SEMA3A: variants seen among roughly 807,000 people sequenced by gnomAD.
SEMA3A encodes semaphorin 3A.
In SEMA3A, 29 loss-of-function variants were observed where a neutral mutation model predicts 97.9. The observed-to-expected ratio is 0.30, with a 90% confidence interval of 0.22 to 0.40. SEMA3A has a LOEUF of 0.40. SEMA3A is among the 10% of genes least tolerant of loss of function. The pLI is 1.00. For missense variants in SEMA3A, 763 were observed against 951.3 expected (o/e 0.80, Z 2.60); for synonymous variants, 321 against 323.7 (o/e 0.99, Z 0.09).
At chr7:84,235,083 A>G (rs1020795441) in intron 3 of SEMA3A, among the ~76,000 whole-genome samples, 1 of 152,138 alleles carries the variant, frequency 6.6e-6, no homozygotes, top group African/African-American at 2.4e-5. Flanking sequence ...AAAATGATTT[A>G]AAAATAAATT....
intron 4 of SEMA3A, among the ~76,000 whole-genome samples, chr7:84,088,454 C>CA (rs146017382): frequency 6.6e-4 from 89 of 134,820 alleles, no homozygotes; most frequent in South Asian, 1.6e-3. Flanking sequence ...ACTCCGTTTC[C>CA]AAAAAAAAAA....
chr7:84,431,401 T>C (rs1804977136), intron 1 of SEMA3A, among the ~76,000 whole-genome samples: 2 of 152,026 alleles, frequency 1.3e-5, no homozygotes, highest in South Asian at 4.1e-4. Flanking sequence ...CATGAGTCTA[T>C]TAGCCTTTTA....
At chr7:84,330,686 TG>T (rs2115946918) in intron 2 of SEMA3A, among the ~76,000 whole-genome samples, 1 of 152,274 alleles carries the variant, frequency 6.6e-6, no homozygotes, top group Admixed American at 6.5e-5. Flanking sequence ...ATATGGTAGT[TG>T]TTTTTTATTT....
Position 84,440,896 on chromosome 7 carries a change from C to T in SEMA3A, c.-246+51564G>A, listed in dbSNP as rs1478120686. On this transcript the variant is annotated intron_variant, in intron 1 of 3. Transcript: ENST00000424555. ...TAAATAGGCCAGGTGTGGTGGCTCA[C>T]GCCTGTAATCTCAGCACTTTGGGAG... 7.9e-5 allele frequency among the ~76,000 whole-genome samples: 12 copies of T among 152,284 alleles called. 1 individual carries two copies. The highest frequency in any genetic ancestry group is 4.1e-4 in the South Asian group (2 of 4,830).
chr7:84,374,055 C>T (rs1212089778), intron 1 of SEMA3A, among the ~76,000 whole-genome samples: 4 of 152,140 alleles, frequency 2.6e-5, no homozygotes, highest in Admixed American at 6.5e-5. Flanking sequence ...CATGAGATCA[C>T]GGGAGAGGAA....
At chr7:84,037,324 TTTG>T (rs970515144) in intron 6 of SEMA3A, among the ~76,000 whole-genome samples, 3 of 151,964 alleles carry the variant, frequency 2.0e-5, no homozygotes, top group African/African-American at 7.2e-5. Context: ...CTTTTGTTTA[TTTG>T]TTGTTGTTGT....
At chr7:84,183,997 C>T (rs1797804988) in intron 1 of SEMA3A, among the ~76,000 whole-genome samples, 2 of 152,096 alleles carry the variant, frequency 1.3e-5, no homozygotes, top group Admixed American at 6.6e-5. Flanking sequence ...AACAGATTCT[C>T]TCAGTATCAA....
intron 5 of SEMA3A, among the ~76,000 whole-genome samples, chr7:84,052,314 C>G (rs898598037): frequency 3.6e-4 from 54 of 152,102 alleles, no homozygotes; most frequent in Non-Finnish European, 6.6e-4. Flanking sequence ...ACCTCTGGTA[C>G]AATTCGGCTG....
chr7:84,104,942 A>C (rs78582118), intron 4 of SEMA3A, among the ~76,000 whole-genome samples: 1,856 of 152,296 alleles, frequency 0.012, 17 homozygotes, highest in Middle Eastern at 0.027. Flanking sequence ...AAAGATTAGG[A>C]AAGAAAAACC....
chr7:84,390,732 C>T (rs1328701276), intron 1 of SEMA3A, among the ~76,000 whole-genome samples: 1 of 151,996 alleles, frequency 6.6e-6, no homozygotes, highest in African/African-American at 2.4e-5. Flanking sequence ...CTATTCTTGC[C>T]TTCCAGAGAC....
At chr7:84,011,556 T>C (rs560984093) in intron 7 of SEMA3A, among the ~76,000 whole-genome samples, 111 of 152,272 alleles carry the variant, frequency 7.3e-4, no homozygotes, top group African/African-American at 2.6e-3. Flanking sequence ...GGATTACTTA[T>C]AAAGTCAATT....
intron 1 of SEMA3A, among the ~76,000 whole-genome samples, chr7:84,481,624 G>GT (rs1385647440): frequency 6.6e-6 from 1 of 151,928 alleles, no homozygotes; most frequent in African/African-American, 2.4e-5. Flanking sequence ...GGTTTCTTAT[G>GT]TTTTTTCTTA....
chr7:84,042,522 C>T lies in SEMA3A; in HGVS notation c.667+3802G>A, dbSNP rs113066765. Among the ~76,000 whole-genome samples, 1,399 of 152,144 alleles carry T rather than the reference C, an allele frequency of 9.2e-3. 23 individuals are homozygous for T. The highest frequency in any genetic ancestry group is 0.031 in the African/African-American group (1,285 of 41,530). On this transcript the variant is annotated intron_variant, in intron 6 of 16. Transcript: ENST00000265362. ...AGTCAGGCCAAGCTTCCTAAGCGTG[C>T]TCCACCCAACAGAAGTGGGATAAAG... is the stretch of plus-strand genomic sequence containing the variant.
chr7:84,127,075 T>C (rs1795822698), intron 3 of SEMA3A, among the ~76,000 whole-genome samples: 1 of 152,024 alleles, frequency 6.6e-6, no homozygotes, highest in South Asian at 2.1e-4. Flanking sequence ...ACTATGAAGG[T>C]GTAAAGGGAC....
At chr7:84,013,184 G>T (rs2116418253) in intron 7 of SEMA3A, among the ~76,000 whole-genome samples, 1 of 152,156 alleles carries the variant, frequency 6.6e-6, no homozygotes, top group East Asian at 1.9e-4. Context: ...TATTTGAAGG[G>T]TGCTTTAATA....
At chr7:84,279,693 GA>G (rs1378385566) in intron 3 of SEMA3A, among the ~76,000 whole-genome samples, 1 of 152,056 alleles carries the variant, frequency 6.6e-6, no homozygotes, top group East Asian at 1.9e-4. Flanking sequence ...ATTTTCATAA[GA>G]AGACATAAAT....
intron 2 of SEMA3A, among the ~76,000 whole-genome samples, chr7:84,309,587 T>C (rs1801263023): frequency 1.3e-5 from 2 of 152,130 alleles, no homozygotes; most frequent in Non-Finnish European, 2.9e-5. Flanking sequence ...GGTCAGCCTT[T>C]CTCCCTTGAC....
intron 1 of SEMA3A, among the ~76,000 whole-genome samples, chr7:84,154,964 T>C (rs1796795870): frequency 6.6e-6 from 1 of 152,166 alleles, no homozygotes; most frequent in African/African-American, 2.4e-5. Context: ...AGGCCAATTA[T>C]ATTTTCATGC....
At chr7:84,289,147 T>C (rs1236276932) in intron 3 of SEMA3A, among the ~76,000 whole-genome samples, 2 of 152,094 alleles carry the variant, frequency 1.3e-5, no homozygotes, top group Non-Finnish European at 2.9e-5. Context: ...TTCACTCGTA[T>C]GTGGGAGCTT....
Sources: allele counts gnomAD v4.1 joint callset (sites outside exome capture counted in the v4.1 genomes callset), GRCh38; gene constraint gnomAD v4.1.1; transcripts MANE v1.5; gene names NCBI Gene and HGNC (gene_info 2026-07-23, HGNC 2026-07-21).